The following RGR variants were observed in gnomAD, a reference collection of about 807,000 sequenced individuals.
The protein encoded by RGR is retinal G protein coupled receptor.
RGR carries 30 observed loss-of-function variants against 28.6 expected under a neutral mutation model. The observed-to-expected ratio is 1.05, with a 90% CI of 0.78 to 1.42. The LOEUF (loss-of-function observed/expected upper bound fraction) is 1.42. RGR is among the 40% of genes most tolerant of loss of function. The pLI is 0.00. For missense variants in RGR, 404 were observed against 375.6 expected, an observed-to-expected ratio of 1.08 and a Z score of -0.62; for synonymous variants, 180 against 156.4, an observed-to-expected ratio of 1.15 and a Z score of -1.13.
intron 3 of RGR, among the ~76,000 whole-genome samples, chr10:84,250,025 T>C (rs1842795606): frequency 6.6e-6 from 1 of 152,208 alleles, no homozygotes; most frequent in Non-Finnish European, 1.5e-5. Flanking sequence ...AGAGACCATC[T>C]AGAACCCTGT....
At position 84,252,926 on chromosome 10, in the gene RGR, C is replaced by A. The variant is rs542569193; in HGVS notation, c.428C>A (p.Ala143Glu). The A allele has an allele frequency of 6.2e-7, 1 of 1,614,142 alleles. No homozygotes were observed. The highest frequency in any genetic ancestry group is 1.1e-5 in the South Asian group (1 of 91,080). The part of the protein sequence containing the change: ...LFVWLSSAFW[A>E]ALPLLGWGHY... Reference sequence around the variant, plus strand: ...GTGTGGCTGTCTTCTGCCTTCTGGGCAGCTCTGCCCCTTCTGGGTTGGGGT... The same window carrying A: ...GTGTGGCTGTCTTCTGCCTTCTGGGAAGCTCTGCCCCTTCTGGGTTGGGGT... The change falls in exon 4 of 7, where the codon GCA becomes GAA. Residue 143 changes from alanine (A) to glutamate (E), a missense_variant. Ala to Glu is a moderately radical substitution (Grantham distance 107). Transcript: ENST00000652092.
Position 84,247,670 on chromosome 10 carries a change from A to G in RGR, c.159A>G (p.Leu53=). Residue 53 remains leucine, a synonymous_variant, in exon 2 of 7, where the codon CTA becomes CTG. Transcript: ENST00000652092. ...KTPELRTPCH[L]LVLSLALADS... ...CGGAGCTGCGGACTCCCTGCCACCTACTGGTGCTGAGCTTGGCTCTTGCGG... is the reference window on the plus strand; with the variant it reads ...CGGAGCTGCGGACTCCCTGCCACCTGCTGGTGCTGAGCTTGGCTCTTGCGG... The G allele has an allele frequency of 1.4e-5, 22 of 1,613,954 alleles. No homozygotes were observed. Among genetic ancestry groups the G allele is most frequent in the Non-Finnish European group, 1.9e-5 (22 of 1,179,998 alleles).
Position 84,253,020 on chromosome 10 carries a change from G to A in RGR, c.512+10G>A. The stretch of plus-strand genomic sequence containing the variant: ...ACTCCAAGGGGGACAGGTGAGGTGG[G>A]AGGAGCAGCTTCGAGGCTCCTATCC... On this transcript the variant is annotated intron_variant, in intron 4 of 6. Coordinates refer to ENST00000652092, the MANE Select transcript of RGR (RefSeq NM_001012720.2). 6.2e-7 allele frequency: 1 copy of A among 1,612,364 alleles called. No homozygotes were observed. The highest frequency in any genetic ancestry group is 8.5e-7 in the Non-Finnish European group (1 of 1,179,584).
rs1318918127 is a variant in RGR, at chr10:84,247,484, C to T, written c.80-107C>T. The T allele has an allele frequency of 3.1e-6, 4 of 1,300,914 alleles. No individual in the cohort carries two copies. The African/African-American group carries it at 4.4e-5, about 14-fold the overall frequency. The allele number at this position is 1,300,914 out of a possible 1,614,324, so 80.6% of individuals were successfully genotyped here. On this transcript the variant is annotated intron_variant, in intron 1 of 6. Coordinates refer to ENST00000652092, the MANE Select transcript of RGR (RefSeq NM_001012720.2). ...CATGCTACCCTATATTGATTGTCTTCCTTGTCTGTCCAGGAGGTTGCTGAT... is the reference window on the plus strand; with the variant it reads ...CATGCTACCCTATATTGATTGTCTTTCTTGTCTGTCCAGGAGGTTGCTGAT...
intron 5 of RGR, 104 bp from the exon 6 acceptor site, chr10:84,257,789 C>G: frequency 1.1e-6 from 1 of 890,566 alleles, no homozygotes. Flanking sequence ...GAAGCCTGGT[C>G]CATGCTGCCC....
In RGR at chr10:84,258,039, C is replaced by A. The variant is rs747483430; in HGVS notation, c.744+33C>A. The A allele has an allele frequency of 1.3e-5, 20 of 1,536,180 alleles. No individual in the cohort carries two copies. In the African/African-American group the frequency reaches 2.5e-4, roughly 19 times the overall value. The stretch of plus-strand genomic sequence containing the variant: ...TACTTCTAGTACCTAAAACTAGACC[C>A]CTCTCCATCTTTGTTCTCTGTCTCA... On this transcript the variant is annotated intron_variant, in intron 6 of 6. Coordinates refer to ENST00000652092, the MANE Select transcript of RGR (RefSeq NM_001012720.2).
At chr10:84,254,259 TG>T in intron 4 of RGR, 66 bp from the exon 5 acceptor site, 1 of 1,309,964 alleles carries the variant, frequency 7.6e-7, no homozygotes, top group Non-Finnish European at 1.1e-6. Flanking sequence ...GCAGAGCTGG[TG>T]GGTCCTTGAG....
intron 4 of RGR, 106 bp from the exon 5 acceptor site, chr10:84,254,214 TGAATGG>T: frequency 2.1e-6 from 2 of 933,324 alleles, no homozygotes; most frequent in Non-Finnish European, 3.5e-6. Context: ...CGAGCTTGTC[TGAATGG>T]GGCATTTCCC....
At chr10:84,253,291 G>A (rs4933315) in intron 4 of RGR, among the ~76,000 whole-genome samples, 5,629 of 152,222 alleles carry the variant, frequency 0.037, 167 homozygotes, top group East Asian at 0.12. Context: ...TGTGTCAGTG[G>A]TAACAGTCAC....
intron 1 of RGR, among the ~76,000 whole-genome samples, 184 bp downstream of exon 1, chr10:84,245,353 C>T (rs1842735196): frequency 6.6e-6 from 1 of 152,178 alleles, no homozygotes; most frequent in East Asian, 1.9e-4. Context: ...CTGTGAGGTG[C>T]AGCACACTGC....
At chr10:84,252,834 T>A (rs1191819748) in intron 3 of RGR, 23 bp from the exon 4 acceptor site, 1 of 1,613,928 alleles carries the variant, frequency 6.2e-7, no homozygotes, top group Admixed American at 1.7e-5. Flanking sequence ...CACAACCTCC[T>A]CTTCTTCCTC....
At chr10:84,250,517 TACACACACACAC>T (rs34459757) in intron 3 of RGR, 735 of 607,276 alleles carry the variant, frequency 1.2e-3, no homozygotes, top group Middle Eastern at 7.0e-3. Flanking sequence ...GACCATCTTA[TACACACACACAC>T]ACACACACAC....
In RGR at chr10:84,255,702, G is replaced by A. The variant is rs1030808285; in HGVS notation, c.630+1259G>A. On this transcript the variant is annotated intron_variant, in intron 5 of 6. Transcript: ENST00000652092. ...TATTTCTTTGCAACCACTCTATGAG[G>A]AAAGAGGTTTTCTTTCTTTTTTTTT... Among the ~76,000 whole-genome samples the A allele has an allele frequency of 3.4e-5, 5 of 148,710 alleles. No individual in the cohort carries two copies. In the Admixed American group the frequency reaches 3.4e-4, roughly 10 times the overall value.
At chr10:84,250,655 G>T in intron 3 of RGR, 1 of 552,332 alleles carries the variant, frequency 1.8e-6, no homozygotes. Flanking sequence ...CTGAGAGCAT[G>T]GCAGAGCAGT....
At chr10:84,250,331 C>A in intron 3 of RGR, 1 of 717,234 alleles carries the variant, frequency 1.4e-6, no homozygotes. Flanking sequence ...TAGCCCCCTT[C>A]CCTGAAAATT....
At chr10:84,258,301 G>C (rs929938260) in intron 6 of RGR, among the ~76,000 whole-genome samples, 5 of 152,130 alleles carry the variant, frequency 3.3e-5, no homozygotes, top group African/African-American at 1.2e-4. Flanking sequence ...TTAGTCCCCA[G>C]GCTGGGAGCA....
chr10:84,257,512 A>G (rs1333905392), intron 5 of RGR, among the ~76,000 whole-genome samples: 5 of 152,190 alleles, frequency 3.3e-5, no homozygotes, highest in Non-Finnish European at 4.4e-5. Context: ...AGGCAGGAGA[A>G]TCCCTTGAAC....
intron 3 of RGR, among the ~76,000 whole-genome samples, chr10:84,249,516 T>A (rs772735221): frequency 6.6e-6 from 1 of 152,192 alleles, no homozygotes; most frequent in African/African-American, 2.4e-5. Flanking sequence ...TTTCACCATA[T>A]TGGCTAGGCT....
At chr10:84,249,879 A>AT (rs532650696) in intron 3 of RGR, among the ~76,000 whole-genome samples, 26 of 150,818 alleles carry the variant, frequency 1.7e-4, no homozygotes, top group African/African-American at 3.4e-4. Context: ...TTTTTCCTTA[A>AT]TTTTTTTTTT....
Sources: gnomAD v4.1 joint callset for allele counts (sites outside exome capture counted in the v4.1 genomes callset) on GRCh38, gnomAD v4.1.1 for gene constraint, MANE v1.5 for transcripts, NCBI Gene and HGNC (gene_info 2026-07-23, HGNC 2026-07-21) for gene names.